The following PCDH9 variants were observed in gnomAD, a reference collection of about 807,000 sequenced individuals.
PCDH9 encodes protocadherin 9.
PCDH9 carries 24 observed loss-of-function variants against 70.6 expected under a neutral mutation model. The ratio of observed to expected loss-of-function variants is 0.34; its 90% confidence interval spans 0.25 to 0.48. PCDH9 has a LOEUF of 0.48. Ranked by LOEUF, PCDH9 falls within the 20% of genes least tolerant of loss-of-function variation. PCDH9 has a pLI of 0.99. For missense variants in PCDH9, 1,281 were observed against 1,503.6 expected (o/e 0.85, Z 2.45); for synonymous variants, 562 against 558.5 (o/e 1.01, Z -0.09).
At chr13:66,944,914 A>G (rs1421893116) in intron 2 of PCDH9, among the ~76,000 whole-genome samples, 1 of 151,082 alleles carries the variant, frequency 6.6e-6, no homozygotes, top group Non-Finnish European at 1.5e-5. Flanking sequence ...CCAATTTAAG[A>G]TAAGCAACCT....
At chr13:66,702,924 T>G (rs890450476) in intron 3 of PCDH9, among the ~76,000 whole-genome samples, 1 of 152,170 alleles carries the variant, frequency 6.6e-6, no homozygotes, top group Admixed American at 6.5e-5. Context: ...AGACTTCTAG[T>G]GATAGAAATA....
At chr13:66,677,687 C>A (rs1180465970) in intron 3 of PCDH9, among the ~76,000 whole-genome samples, 1 of 152,074 alleles carries the variant, frequency 6.6e-6, no homozygotes, top group African/African-American at 2.4e-5. Flanking sequence ...TGCCTCTTCT[C>A]CCCTCACCTT....
At chr13:66,982,803 T>A (rs2139777118) in intron 2 of PCDH9, among the ~76,000 whole-genome samples, 1 of 152,338 alleles carries the variant, frequency 6.6e-6, no homozygotes, top group Non-Finnish European at 1.5e-5. Flanking sequence ...AACATTTGTT[T>A]CTTAATTTCA....
At chr13:66,619,266 G>T (rs1314355535) in intron 4 of PCDH9, among the ~76,000 whole-genome samples, 4 of 151,990 alleles carry the variant, frequency 2.6e-5, no homozygotes, top group Non-Finnish European at 4.4e-5. Flanking sequence ...GAGCATAACT[G>T]CTTTTAAGAA....
At chr13:66,340,899 A>G (rs1052683103) in intron 4 of PCDH9, among the ~76,000 whole-genome samples, 3 of 152,152 alleles carry the variant, frequency 2.0e-5, no homozygotes, top group African/African-American at 7.2e-5. Context: ...GCAAATCTCA[A>G]TTCTCTGTAG....
At chr13:66,723,402 G>A (rs1264371464) in intron 3 of PCDH9, among the ~76,000 whole-genome samples, 1 of 152,086 alleles carries the variant, frequency 6.6e-6, no homozygotes, top group Non-Finnish European at 1.5e-5. Flanking sequence ...ATTTTCAACA[G>A]GGCATAGCAT....
chr13:66,347,636 C>T (rs1956232322), intron 4 of PCDH9, among the ~76,000 whole-genome samples: 1 of 152,080 alleles, frequency 6.6e-6, no homozygotes, highest in Non-Finnish European at 1.5e-5. Flanking sequence ...CTTCCTAGTC[C>T]CTGGTTCATT....
chr13:66,433,711 A>T (rs1055191287), intron 4 of PCDH9, among the ~76,000 whole-genome samples: 2 of 151,830 alleles, frequency 1.3e-5, no homozygotes, highest in Non-Finnish European at 3.0e-5. Flanking sequence ...GGTATTGAAA[A>T]CACAGCTTAA....
chr13:67,100,653 G>A (rs969428838), intron 2 of PCDH9, among the ~76,000 whole-genome samples: 1 of 152,172 alleles, frequency 6.6e-6, no homozygotes, highest in Non-Finnish European at 1.5e-5. Flanking sequence ...CAAAAAGATC[G>A]TGCATTGCTC....
intron 2 of PCDH9, among the ~76,000 whole-genome samples, chr13:67,109,212 C>T (rs1047609131): frequency 6.6e-6 from 1 of 152,138 alleles, no homozygotes; most frequent in African/African-American, 2.4e-5. Context: ...AAACTGGGTT[C>T]TCCACCTTTG....
chr13:66,717,471 AAAAAAAAAAATATATATATAT>A (rs2078881556), intron 3 of PCDH9, among the ~76,000 whole-genome samples: 2 of 39,272 alleles, frequency 5.1e-5, no homozygotes, highest in African/African-American at 6.9e-5. Context: ...AAAAAAAAAA[AAAAAAAAAAATATATATATAT>A]ATATATATAT....
chr13:66,532,291 T>C (rs1004712163), intron 4 of PCDH9, among the ~76,000 whole-genome samples: 1 of 151,996 alleles, frequency 6.6e-6, no homozygotes, highest in African/African-American at 2.4e-5. Context: ...GGCATGAGCC[T>C]TGTATTTACT....
At chr13:66,530,244 A>G (rs1960393896) in intron 4 of PCDH9, among the ~76,000 whole-genome samples, 1 of 152,072 alleles carries the variant, frequency 6.6e-6, no homozygotes, top group Non-Finnish European at 1.5e-5. Context: ...TCACAGCAGG[A>G]GAAGATATGT....
At chr13:66,546,506 T>A (rs1285939086) in intron 4 of PCDH9, among the ~76,000 whole-genome samples, 1 of 152,222 alleles carries the variant, frequency 6.6e-6, no homozygotes, top group Admixed American at 6.5e-5. Context: ...TAAAATATGT[T>A]CCTGTTTTAA....
At chr13:66,541,497 T>A (rs1960952846) in intron 4 of PCDH9, among the ~76,000 whole-genome samples, 1 of 152,178 alleles carries the variant, frequency 6.6e-6, no homozygotes, top group Non-Finnish European at 1.5e-5. Flanking sequence ...ATTCCTTGCC[T>A]CTTTTAATTG....
At chr13:66,421,180 T>C (rs1427480188) in intron 4 of PCDH9, among the ~76,000 whole-genome samples, 2 of 151,008 alleles carry the variant, frequency 1.3e-5, no homozygotes, top group Admixed American at 6.6e-5. Context: ...TGGTACTATG[T>C]GAAAAGACCA....
chr13:66,379,442 A>G (rs375235613), intron 4 of PCDH9, among the ~76,000 whole-genome samples: 1 of 152,322 alleles, frequency 6.6e-6, no homozygotes, highest in East Asian at 1.9e-4. Flanking sequence ...GTCACTCATT[A>G]CTTTCCATCA....
intron 2 of PCDH9, among the ~76,000 whole-genome samples, chr13:67,117,767 G>A (rs568461808): frequency 2.2e-4 from 33 of 152,024 alleles, no homozygotes; most frequent in Non-Finnish European, 3.5e-4. Context: ...TCCTTAATGC[G>A]GCCTAATTAA....
chr13:67,120,695 A>G (rs2086859639), intron 2 of PCDH9, among the ~76,000 whole-genome samples: 1 of 152,330 alleles, frequency 6.6e-6, no homozygotes, highest in East Asian at 1.9e-4. Context: ...GACAAAAATT[A>G]GGTTTTATTA....
Sources: gnomAD v4.1 joint callset for allele counts (sites outside exome capture counted in the v4.1 genomes callset) on GRCh38, gnomAD v4.1.1 for gene constraint, MANE v1.5 for transcripts, NCBI Gene and HGNC (gene_info 2026-07-23, HGNC 2026-07-21) for gene names.